The following RAB3IP variants were observed in gnomAD, a reference collection of about 807,000 sequenced individuals.
The protein encoded by RAB3IP is rab-3A-interacting protein.
In RAB3IP, 36 loss-of-function variants were observed where a neutral mutation model predicts 59.1. The observed-to-expected ratio is 0.61, with a 90% CI of 0.47 to 0.80. The LOEUF is 0.80. RAB3IP is among the 30% of genes least tolerant of loss of function. The probability of loss-of-function intolerance (pLI) is 0.00; values close to 1 mark genes in which losing one functional copy is unlikely to be tolerated. For missense variants in RAB3IP, 511 were observed against 536.0 expected, an observed-to-expected ratio of 0.95 and a Z score of 0.46; for synonymous variants, 207 against 191.2, an observed-to-expected ratio of 1.08 and a Z score of -0.68.
intron 8 of RAB3IP, among the ~76,000 whole-genome samples, chr12:69,807,230 T>C (rs191912828): frequency 0.063 from 7,741 of 123,826 alleles, 226 homozygotes; most frequent in African/African-American, 0.092. Flanking sequence ...TCCTCACCTC[T>C]CAGACGGGGC....
At chr12:69,760,161 C>T (rs1000160475) in intron 3 of RAB3IP, among the ~76,000 whole-genome samples, 1 of 152,262 alleles carries the variant, frequency 6.6e-6, no homozygotes, top group African/African-American at 2.4e-5. Context: ...GCGGATCACT[C>T]ACGGTTAGGA....
chr12:69,738,788 A>C (rs1886926261), upstream of RAB3IP: 4 of 144,504 alleles, frequency 2.8e-5, no homozygotes, highest in African/African-American at 5.1e-5. Context: ...TGCCGGCCAC[A>C]CCCCCCTACC....
In RAB3IP at chr12:69,815,410, A is replaced by C. The variant is rs1213393744; in HGVS notation, c.1347A>C (p.Ser449=). The part of the protein sequence containing the change: ...WEVMQLRKEM[S]LAKLGYFKEE... The stretch of plus-strand genomic sequence containing the variant: ...TTATGCAGTTGAGAAAAGAGATGTC[A>C]TTGGCAAAGCTGGGTTATTTCAAAG... The change falls in exon 11 of 11, where the codon TCA becomes TCC. Residue 449 remains serine (S), a synonymous_variant. Coordinates refer to ENST00000247833, the MANE Select transcript of RAB3IP (RefSeq NM_022456.5). The C allele has an allele frequency of 6.2e-7, 1 of 1,613,146 alleles. No homozygotes were observed. Among genetic ancestry groups the C allele is most frequent in the Non-Finnish European group, 8.5e-7 (1 of 1,179,188 alleles).
intron 8 of RAB3IP, among the ~76,000 whole-genome samples, chr12:69,808,800 C>T (rs1879903390): frequency 6.6e-6 from 1 of 152,156 alleles, no homozygotes; most frequent in East Asian, 1.9e-4. Context: ...TGTTTCTGCA[C>T]ATGAGATGGG....
At chr12:69,811,134 A>C (rs1379686202) in intron 8 of RAB3IP, among the ~76,000 whole-genome samples, 2 of 152,200 alleles carry the variant, frequency 1.3e-5, no homozygotes, top group African/African-American at 4.8e-5. Context: ...ATGTAGGAGC[A>C]GAAAACCACA....
At chr12:69,780,251 AGC>A (rs1476301064) in intron 3 of RAB3IP, among the ~76,000 whole-genome samples, 241 of 152,326 alleles carry the variant, frequency 1.6e-3, no homozygotes, top group African/African-American at 5.0e-3. Context: ...CCCCAACTGT[AGC>A]AAAAGGAACT....
intron 1 of RAB3IP, among the ~76,000 whole-genome samples, chr12:69,750,167 C>T (rs147108306): frequency 1.3e-5 from 2 of 152,182 alleles, no homozygotes; most frequent in African/African-American, 2.4e-5. Flanking sequence ...ACCATAGATG[C>T]GCTATGCTTA....
intron 3 of RAB3IP, among the ~76,000 whole-genome samples, chr12:69,761,624 A>C (rs1008545964): frequency 3.3e-5 from 5 of 152,204 alleles, no homozygotes; most frequent in Non-Finnish European, 1.5e-5. Context: ...ATTCATGAGG[A>C]TAAGGATTGC....
chr12:69,769,133 T>C (rs1381550566), intron 3 of RAB3IP, among the ~76,000 whole-genome samples: 3 of 152,190 alleles, frequency 2.0e-5, no homozygotes, highest in Admixed American at 6.5e-5. Flanking sequence ...CTGCCGTGAT[T>C]GTAAGCCTCC....
At chr12:69,768,754 TG>T in intron 3 of RAB3IP, among the ~76,000 whole-genome samples, 1 of 152,250 alleles carries the variant, frequency 6.6e-6, no homozygotes, top group East Asian at 1.9e-4. Context: ...ACAATTCCAG[TG>T]TCTACTACTC....
In RAB3IP at chr12:69,819,802, T is replaced by C. The variant is rs1182339764; in HGVS notation, c.*4356T>C. ...AGACAGCTCTGGATTGGGAGTCACTTAGACCTACATTCTGGTCTAGGTTTG... is the reference window on the plus strand; with the variant it reads ...AGACAGCTCTGGATTGGGAGTCACTCAGACCTACATTCTGGTCTAGGTTTG... On this transcript the variant is annotated 3_prime_UTR_variant, in exon 11 of 11. Transcript: ENST00000247833. 1 of 152,208 alleles carries C rather than the reference T, an allele frequency of 6.6e-6. No individual in the cohort carries two copies. The highest frequency in any genetic ancestry group is 1.5e-5 in the Non-Finnish European group (1 of 68,044). The allele number at this position is 152,208 out of a possible 1,614,324, so 9.4% of individuals were successfully genotyped here. A position where few individuals can be genotyped will look rare whatever the true frequency, so the allele number is the denominator to read the frequency against.
At chr12:69,752,281 A>G (rs1406413988) in intron 1 of RAB3IP, among the ~76,000 whole-genome samples, 1 of 151,110 alleles carries the variant, frequency 6.6e-6, no homozygotes, top group Non-Finnish European at 1.5e-5. Context: ...TGGGATTACA[A>G]GTGTGAGCCA....
chr12:69,814,630 A>G (rs1880914266), intron 10 of RAB3IP, among the ~76,000 whole-genome samples: 1 of 151,890 alleles, frequency 6.6e-6, no homozygotes, highest in Admixed American at 6.6e-5. Context: ...GTTTCTATTC[A>G]TTGCCAAACG....
chr12:69,793,308 G>A (rs1323869493), intron 4 of RAB3IP, among the ~76,000 whole-genome samples: 1 of 152,152 alleles, frequency 6.6e-6, no homozygotes, highest in African/African-American at 2.4e-5. Context: ...ACAAACTGCA[G>A]TGTTACAATA....
At position 69,815,401 on chromosome 12, in the gene RAB3IP, A is replaced by G. The variant is rs1043374713; in HGVS notation, c.1338A>G (p.Lys446=). Residue 446 remains lysine (K), a synonymous_variant, in exon 11 of 11, where the codon AAA becomes AAG. Coordinates refer to ENST00000247833, the MANE Select transcript of RAB3IP (RefSeq NM_022456.5). Reference sequence around the variant, plus strand: ...TTTGGGAGGTTATGCAGTTGAGAAAAGAGATGTCATTGGCAAAGCTGGGTT... The same window carrying G: ...TTTGGGAGGTTATGCAGTTGAGAAAGGAGATGTCATTGGCAAAGCTGGGTT... ...QMFWEVMQLR[K]EMSLAKLGYF... 1 of 1,613,072 alleles carries G rather than the reference A, an allele frequency of 6.2e-7. No individual in the cohort carries two copies. Among genetic ancestry groups the G allele is most frequent in the Non-Finnish European group, 8.5e-7 (1 of 1,179,114 alleles).
At chr12:69,756,804 G>A (rs536168291) in intron 3 of RAB3IP, 141 bp downstream of exon 3, 5 of 706,828 alleles carry the variant, frequency 7.1e-6, no homozygotes, top group South Asian at 6.0e-5. Flanking sequence ...CTCCTGTTAG[G>A]CAGCATTTAG....
At chr12:69,783,789 T>C (rs1187930600) in intron 3 of RAB3IP, among the ~76,000 whole-genome samples, 1 of 152,240 alleles carries the variant, frequency 6.6e-6, no homozygotes, top group Non-Finnish European at 1.5e-5. Flanking sequence ...CTGCTGCTTT[T>C]GTACATCTGG....
rs531760102 is a variant in RAB3IP, at chr12:69,783,971, C to A, written c.511-749C>A. On this transcript the variant is annotated intron_variant, in intron 3 of 10. Transcript: ENST00000247833. ...CTATACTGCCACCACAATTATAACA[C>A]CACTAACTCATTATTTTATTAGTTT... Among the ~76,000 whole-genome samples the A allele has an allele frequency of 3.9e-5, 6 of 152,140 alleles. No individual in the cohort carries two copies. In the South Asian group the frequency reaches 1.2e-3, roughly 32 times the overall value.
At chr12:69,791,496 G>A (rs1260497909) in intron 4 of RAB3IP, among the ~76,000 whole-genome samples, 1 of 152,106 alleles carries the variant, frequency 6.6e-6, no homozygotes, top group East Asian at 1.9e-4. Flanking sequence ...CCAATTGAAA[G>A]ATGGGCTAGG....
Sources: allele counts gnomAD v4.1 joint callset (sites outside exome capture counted in the v4.1 genomes callset), GRCh38; gene constraint gnomAD v4.1.1; transcripts MANE v1.5; gene names NCBI Gene and HGNC (gene_info 2026-07-23, HGNC 2026-07-21).